The following MATN2 variants were observed in gnomAD, a reference collection of about 807,000 sequenced individuals.
MATN2 encodes the protein matrilin-2.
MATN2 carries 69 observed loss-of-function variants against 103.2 expected under a neutral mutation model. The observed-to-expected ratio is 0.67, with a 90% CI of 0.55 to 0.82. The LOEUF is 0.82. MATN2 is among the 40% of genes least tolerant of loss of function. MATN2 has a pLI of 0.00. For synonymous variants in MATN2, 429 were observed against 450.2 expected (o/e 0.95, Z 0.60); for missense variants, 1,023 against 1,211.5 (o/e 0.84, Z 2.31).
intron 7 of MATN2, among the ~76,000 whole-genome samples, chr8:97,995,789 G>C (rs1164076668): frequency 1.3e-5 from 2 of 152,220 alleles, no homozygotes; most frequent in Non-Finnish European, 2.9e-5. Flanking sequence ...GCAAATCCTG[G>C]ATTTTGAAAC....
chr8:97,901,449 C>T (rs910049433), intron 2 of MATN2, among the ~76,000 whole-genome samples: 18 of 152,218 alleles, frequency 1.2e-4, no homozygotes, highest in Middle Eastern at 3.4e-3. Flanking sequence ...GATGGGGTTT[C>T]GCCATGTTGG....
intron 2 of MATN2, among the ~76,000 whole-genome samples, chr8:97,905,738 C>T (rs1383639767): frequency 2.6e-5 from 4 of 152,170 alleles, no homozygotes; most frequent in Non-Finnish European, 5.9e-5. Flanking sequence ...TCCGGGCTCA[C>T]TGCAACCTTG....
chr8:97,977,301 C>A (rs1811873108), intron 5 of MATN2, among the ~76,000 whole-genome samples: 1 of 147,616 alleles, frequency 6.8e-6, no homozygotes, highest in Admixed American at 6.8e-5. Flanking sequence ...GGAGGTGGGA[C>A]CTGCTGGAAA....
At chr8:97,993,396 C>A (rs186476508) in intron 6 of MATN2, among the ~76,000 whole-genome samples, 24 of 152,104 alleles carry the variant, frequency 1.6e-4, no homozygotes, top group Admixed American at 1.6e-3. Context: ...CAATTTTAAA[C>A]AATGTGTCCA....
chr8:97,927,154 T>TC (rs1563671802), intron 2 of MATN2, among the ~76,000 whole-genome samples: 6 of 151,750 alleles, frequency 4.0e-5, no homozygotes, highest in Non-Finnish European at 7.4e-5. Context: ...TTTTTGTTTT[T>TC]GTTTTTGAGA....
intron 1 of MATN2, among the ~76,000 whole-genome samples, chr8:97,878,397 A>AAAACCC (rs1818148703): frequency 6.6e-6 from 1 of 152,022 alleles, no homozygotes; most frequent in African/African-American, 2.4e-5. Flanking sequence ...CCCCATCTCT[A>AAAACCC]CAAAAAATAC....
chr8:98,006,238 G>A (rs1331565683), intron 8 of MATN2, among the ~76,000 whole-genome samples: 2 of 152,120 alleles, frequency 1.3e-5, no homozygotes, highest in Non-Finnish European at 2.9e-5. Context: ...TCCTGATAAT[G>A]GGGGTAAAAA....
At chr8:97,966,941 A>G (rs1433231032) in intron 5 of MATN2, among the ~76,000 whole-genome samples, 2 of 152,220 alleles carry the variant, frequency 1.3e-5, no homozygotes, top group African/African-American at 4.8e-5. Flanking sequence ...TGCAGGCTGT[A>G]TAGGAAGCAT....
intron 4 of MATN2, among the ~76,000 whole-genome samples, chr8:97,942,495 A>G (rs1036529737): frequency 2.0e-5 from 3 of 152,228 alleles, no homozygotes; most frequent in African/African-American, 7.2e-5. Context: ...TTGAGCCAGC[A>G]CGAGGTAGTC....
intron 2 of MATN2, among the ~76,000 whole-genome samples, chr8:97,912,843 A>G (rs2130076481): frequency 6.6e-6 from 1 of 152,340 alleles, no homozygotes; most frequent in Middle Eastern, 3.4e-3. Flanking sequence ...ACAGAGGCAG[A>G]TATGCTGAGG....
rs1013995856 is a variant in MATN2, at chr8:97,869,161, G to A, written c.-153G>A. On this transcript the variant is annotated 5_prime_UTR_variant, in exon 1 of 19. Transcript: ENST00000254898. ...GACAGAGGCAGAGGCAGAAGCTGGG[G>A]CTCCGTCCTCGCCTCCCACGAGCGA... 4 of 152,352 alleles carry A rather than the reference G, an allele frequency of 2.6e-5. No homozygotes were observed. The highest frequency in any genetic ancestry group is 4.8e-5 in the African/African-American group (2 of 41,462). 9.4% of individuals were successfully genotyped at this position (152,352 alleles called of 1,614,324 possible).
At chr8:97,872,426 T>G (rs989777924) in intron 1 of MATN2, among the ~76,000 whole-genome samples, 1 of 152,228 alleles carries the variant, frequency 6.6e-6, no homozygotes, top group South Asian at 2.1e-4. Context: ...GTTGTTGTAT[T>G]AGTTGCCTAT....
rs189262125 is a variant in MATN2 at position 98,034,267 on chromosome 8, G to C, written c.2815+608G>C. 2.4e-3 allele frequency: 1,069 copies of C among 436,904 alleles called. 3 individuals carry two copies. The highest frequency in any genetic ancestry group is 3.7e-3 in the Non-Finnish European group (798 of 215,566). The allele number at this position is 436,904 out of a possible 1,614,324, so 27.1% of individuals were successfully genotyped here. A position where few individuals can be genotyped will look rare whatever the true frequency, so the allele number is the denominator to read the frequency against. ...TTCATTTAAACAATATTAAATAAAA[G>C]GAATGCTTGGGGATAATAAAGAAAA... On this transcript the variant is annotated intron_variant, in intron 18 of 18. Coordinates refer to ENST00000254898, the MANE Select transcript of MATN2 (RefSeq NM_002380.5).
At chr8:98,035,216 G>A (rs1193627927) in intron 18 of MATN2, among the ~76,000 whole-genome samples, 1 of 152,022 alleles carries the variant, frequency 6.6e-6, no homozygotes, top group Non-Finnish European at 1.5e-5. Context: ...AATTAGCTGG[G>A]CGTGGTGGCG....
chr8:98,024,486 G>A (rs1460749889), intron 13 of MATN2, among the ~76,000 whole-genome samples: 1 of 151,880 alleles, frequency 6.6e-6, no homozygotes, highest in Non-Finnish European at 1.5e-5. Context: ...GCCTGGGCGA[G>A]AGAGCGAGAT....
intron 1 of MATN2, among the ~76,000 whole-genome samples, chr8:97,884,885 G>A (rs1586375102): frequency 6.6e-6 from 1 of 152,200 alleles, no homozygotes; most frequent in East Asian, 1.9e-4. Flanking sequence ...TGAACCGATT[G>A]ATTCTATATA....
intron 7 of MATN2, among the ~76,000 whole-genome samples, chr8:97,997,039 T>C (rs1812608984): frequency 6.6e-6 from 1 of 152,346 alleles, no homozygotes; most frequent in African/African-American, 2.4e-5. Flanking sequence ...CTGGGCACAA[T>C]TTCTCCTCAT....
chr8:97,992,320 G>A (rs1282271781), intron 6 of MATN2, among the ~76,000 whole-genome samples: 4 of 152,124 alleles, frequency 2.6e-5, no homozygotes, highest in South Asian at 4.1e-4. Context: ...GTAACTTTTT[G>A]TAAGCTTGAA....
In MATN2 at chr8:97,888,252, G is replaced by T; in HGVS notation, c.142+10G>T. The T allele has an allele frequency of 6.5e-7, 1 of 1,534,826 alleles. No individual in the cohort carries two copies. Among genetic ancestry groups the T allele is most frequent in the Non-Finnish European group, 8.8e-7 (1 of 1,139,106 alleles). ...CAGACGGCCCTTCTGGGTGAGTGGTGGTGCTCACCCCCAAAAGTGGGCAGG... is the reference window on the plus strand; with the variant it reads ...CAGACGGCCCTTCTGGGTGAGTGGTTGTGCTCACCCCCAAAAGTGGGCAGG... On this transcript the variant is annotated intron_variant, in intron 2 of 18. Transcript: ENST00000254898.
Sources: allele counts gnomAD v4.1 joint callset (sites outside exome capture counted in the v4.1 genomes callset), GRCh38; gene constraint gnomAD v4.1.1; transcripts MANE v1.5; gene names NCBI Gene and HGNC (gene_info 2026-07-23, HGNC 2026-07-21).